SIL1: variants seen among roughly 807,000 people sequenced by gnomAD.
The protein encoded by SIL1 is nucleotide exchange factor SIL1.
A neutral mutation model predicts 49.1 loss-of-function variants in SIL1; 40 were observed. The ratio of observed to expected loss-of-function variants is 0.81; its 90% CI spans 0.63 to 1.06. The LOEUF (loss-of-function observed/expected upper bound fraction) is 1.06, where lower values mean the gene tolerates loss of function less well. SIL1 is among the 50% of genes least tolerant of loss of function. SIL1 has a pLI of 0.00. For missense variants in SIL1, 500 were observed against 572.6 expected, an observed-to-expected ratio of 0.87 and a Z score of 1.29; for synonymous variants, 253 against 250.8, an observed-to-expected ratio of 1.01 and a Z score of -0.08.
intron 6 of SIL1, 143 bp from the exon 7 acceptor site, chr5:139,021,435 T>G: frequency 8.0e-7 from 1 of 1,245,754 alleles, no homozygotes; most frequent in South Asian, 1.3e-5. Flanking sequence ...AAGAAAAGGT[T>G]TGTAAAAACC....
At chr5:139,068,240 G>A (rs1466195199) in intron 3 of SIL1, among the ~76,000 whole-genome samples, 1 of 152,228 alleles carries the variant, frequency 6.6e-6, no homozygotes, top group African/African-American at 2.4e-5. Context: ...GTATTGGGAA[G>A]CAACAAGTTG....
chr5:139,121,980 C>CA (rs910695216), intron 2 of SIL1, among the ~76,000 whole-genome samples: 1 of 151,882 alleles, frequency 6.6e-6, no homozygotes, highest in African/African-American at 2.4e-5. Flanking sequence ...CCCGTTCTTG[C>CA]AAAAAAAGTA....
chr5:138,991,532 C>T (rs1767761138), intron 7 of SIL1, among the ~76,000 whole-genome samples: 1 of 152,200 alleles, frequency 6.6e-6, no homozygotes, highest in African/African-American at 2.4e-5. Context: ...ACACTAACTC[C>T]CTAAAAAAGC....
intron 3 of SIL1, among the ~76,000 whole-genome samples, chr5:139,100,097 A>C (rs1251605394): frequency 6.6e-6 from 1 of 152,216 alleles, no homozygotes; most frequent in African/African-American, 2.4e-5. Flanking sequence ...ATTTTTTTAA[A>C]AAGATTTAAC....
chr5:139,054,520 C>T (rs1031391141), intron 3 of SIL1, among the ~76,000 whole-genome samples: 2 of 152,034 alleles, frequency 1.3e-5, no homozygotes, highest in African/African-American at 4.8e-5. Flanking sequence ...TTTACTAGGG[C>T]AGGTTGAGTT....
chr5:139,017,183 C>T (rs1413887662), intron 7 of SIL1: 1 of 151,890 alleles, frequency 6.6e-6, no homozygotes. Flanking sequence ...AAACCCTCAG[C>T]AGGAAGAGCA....
chr5:139,084,961 A>G (rs1770180322), intron 3 of SIL1, among the ~76,000 whole-genome samples: 1 of 152,184 alleles, frequency 6.6e-6, no homozygotes, highest in Non-Finnish European at 1.5e-5. Flanking sequence ...GAATGGAATC[A>G]TACCATACAT....
At chr5:138,954,053 G>A (rs1448637573) in intron 7 of SIL1, among the ~76,000 whole-genome samples, 1 of 152,170 alleles carries the variant, frequency 6.6e-6, no homozygotes, top group Non-Finnish European at 1.5e-5. Flanking sequence ...TGTGACCAGG[G>A]CAAAGAGAAG....
In SIL1 at chr5:138,947,399, G is replaced by A; in HGVS notation, c.1104C>T (p.His368=). Residue 368 remains histidine (H), a synonymous_variant, in exon 10 of 10, where the codon CAC becomes CAT. Coordinates refer to ENST00000394817, the MANE Select transcript of SIL1 (RefSeq NM_022464.5). The surrounding 1 kb of genome is among the most constrained non-coding windows in gnomAD (Gnocchi z 4.1). ...CCTGTTCCCACAGGCCTGGCAGGAG[G>A]TGTACCTGGCGATACTGCTGCAGCT... ...PEKLQQYRQV[H]LLPGLWEQGW... 6.2e-7 allele frequency: 1 copy of A among 1,613,660 alleles called. No individual in the cohort carries two copies. Among genetic ancestry groups the A allele is most frequent in the Non-Finnish European group, 8.5e-7 (1 of 1,180,030 alleles).
At chr5:139,058,950 A>G (rs1769520482) in intron 3 of SIL1, among the ~76,000 whole-genome samples, 1 of 128,388 alleles carries the variant, frequency 7.8e-6, no homozygotes. Flanking sequence ...CCCTCTCAGT[A>G]GGCGGAGCTA....
chr5:139,112,682 C>T (rs1396815548), intron 3 of SIL1, among the ~76,000 whole-genome samples: 6 of 132,378 alleles, frequency 4.5e-5, no homozygotes, highest in African/African-American at 1.7e-4. Flanking sequence ...AGGGAGGTGG[C>T]GGGCGCCTCC....
intron 5 of SIL1, among the ~76,000 whole-genome samples, chr5:139,040,477 ATTTTTTCTTTTTTC>A (rs1319084899): frequency 1.0e-5 from 1 of 95,646 alleles, no homozygotes; most frequent in Non-Finnish European, 2.1e-5. Flanking sequence ...GGAGAGGAGT[ATTTTTTCTTTTTTC>A]TTTTTTCTTT....
chr5:138,969,322 ACCT>A (rs1370113538), intron 7 of SIL1, among the ~76,000 whole-genome samples: 24 of 152,082 alleles, frequency 1.6e-4, no homozygotes, highest in African/African-American at 5.6e-4. Context: ...GGCCACTGTC[ACCT>A]CCTTTCAGCC....
chr5:139,003,975 A>G (rs1445542970), intron 7 of SIL1, among the ~76,000 whole-genome samples: 1 of 152,218 alleles, frequency 6.6e-6, no homozygotes, highest in East Asian at 1.9e-4. Context: ...GTGGAACACC[A>G]AGAGAGGAAT....
chr5:139,188,472 T>C (rs1421427696), intron 1 of SIL1, among the ~76,000 whole-genome samples: 1 of 152,228 alleles, frequency 6.6e-6, no homozygotes, highest in Non-Finnish European at 1.5e-5. Flanking sequence ...GCATGGTCTA[T>C]AGTCATAGTG....
chr5:139,169,777 G>A (rs538574808), intron 1 of SIL1, among the ~76,000 whole-genome samples: 7 of 151,338 alleles, frequency 4.6e-5, no homozygotes, highest in South Asian at 2.1e-4. Flanking sequence ...CACCACGCCC[G>A]GCCCAAGTAT....
At chr5:139,189,351 G>A (rs1486775240) in intron 1 of SIL1, among the ~76,000 whole-genome samples, 1 of 152,174 alleles carries the variant, frequency 6.6e-6, no homozygotes, top group Non-Finnish European at 1.5e-5. Context: ...AAACTCTATT[G>A]TGAACTGTGC....
intron 1 of SIL1, among the ~76,000 whole-genome samples, chr5:139,143,298 T>TACAC (rs1173704933): frequency 3.7e-5 from 4 of 108,384 alleles, no homozygotes; most frequent in Non-Finnish European, 7.3e-5. Flanking sequence ...CATGTGTATA[T>TACAC]ACATATATAC....
At position 139,107,822 on chromosome 5, in the gene SIL1, C is replaced by A. The variant is rs187539758; in HGVS notation, c.244+13213G>T. 3.2e-3 allele frequency among the ~76,000 whole-genome samples: 495 copies of A among 152,318 alleles called. 1 individual carries two copies. The highest frequency in any genetic ancestry group is 0.011 in the African/African-American group (451 of 41,556). On this transcript the variant is annotated intron_variant, in intron 3 of 9. Coordinates refer to ENST00000394817, the MANE Select transcript of SIL1 (RefSeq NM_022464.5). Reference sequence around the variant, plus strand: ...GCACCTGGCATCACAGTAAACATTTCATGTTTACCTTATTTACTATTTAAA... The same window carrying A: ...GCACCTGGCATCACAGTAAACATTTAATGTTTACCTTATTTACTATTTAAA...
Sources: allele counts gnomAD v4.1 joint callset (sites outside exome capture counted in the v4.1 genomes callset), GRCh38; gene constraint gnomAD v4.1.1; non-coding constraint Gnocchi (gnomAD v3.1); transcripts MANE v1.5; gene names NCBI Gene and HGNC (gene_info 2026-07-23, HGNC 2026-07-21).